The following MEI4 variants were observed in gnomAD, a reference collection of about 807,000 sequenced individuals.
The protein encoded by MEI4 is meiotic double-stranded break formation protein 4.
In MEI4, 27 loss-of-function variants were observed where a neutral mutation model predicts 31.4. The observed-to-expected ratio is 0.86, with a 90% CI of 0.63 to 1.19. MEI4 has a LOEUF of 1.19. Among genes scored for constraint, MEI4 ranks in the 50% most tolerant of loss-of-function variants. The pLI is 0.00. For synonymous variants in MEI4, 122 were observed against 145.4 expected, an observed-to-expected ratio of 0.84 and a Z score of 1.16; for missense variants, 329 against 398.9, an observed-to-expected ratio of 0.82 and a Z score of 1.49.
At chr6:77,795,028 A>G (rs1371183844) in intron 3 of MEI4, among the ~76,000 whole-genome samples, 1 of 152,182 alleles carries the variant, frequency 6.6e-6, no homozygotes, top group Admixed American at 6.5e-5. Context: ...TAAGATGAAG[A>G]AAAATAGAAA....
intron 4 of MEI4, among the ~76,000 whole-genome samples, chr6:77,866,746 A>C (rs1301619183): frequency 6.6e-6 from 1 of 152,206 alleles, no homozygotes; most frequent in African/African-American, 2.4e-5. Context: ...GGAACCAAAA[A>C]AGAGCCCACA....
chr6:77,783,102 T>C (rs1008809427), intron 3 of MEI4, among the ~76,000 whole-genome samples: 1 of 152,166 alleles, frequency 6.6e-6, no homozygotes, highest in Admixed American at 6.6e-5. Context: ...AACAGAAGAA[T>C]TGAGTTTTTC....
intron 4 of MEI4, among the ~76,000 whole-genome samples, chr6:77,867,772 G>T (rs1771083300): frequency 6.6e-6 from 1 of 152,168 alleles, no homozygotes; most frequent in Admixed American, 6.5e-5. Context: ...GCACACGTGT[G>T]TTTATTGTGG....
chr6:77,833,803 A>G (rs996611122), intron 4 of MEI4, among the ~76,000 whole-genome samples: 14 of 152,054 alleles, frequency 9.2e-5, no homozygotes, highest in African/African-American at 3.4e-4. Context: ...ACCCGCCAAC[A>G]GGCCCAGGTG....
intron 4 of MEI4, among the ~76,000 whole-genome samples, chr6:77,904,243 G>A (rs151131151): frequency 0.01 from 1,564 of 152,038 alleles, 48 homozygotes; most frequent in Admixed American, 0.038. Flanking sequence ...TAAGACTCAC[G>A]TAAAGCATCT....
At chr6:77,674,582 G>A (rs890644447) in intron 1 of MEI4, among the ~76,000 whole-genome samples, 1 of 151,738 alleles carries the variant, frequency 6.6e-6, no homozygotes, top group Non-Finnish European at 1.5e-5. Flanking sequence ...TAGGGCCTAT[G>A]TTTGTAGTAG....
intron 2 of MEI4, among the ~76,000 whole-genome samples, chr6:77,715,997 C>T (rs1766574090): frequency 6.6e-6 from 1 of 152,020 alleles, no homozygotes; most frequent in African/African-American, 2.4e-5. Flanking sequence ...ATAATCTTTT[C>T]ACCTCTGAAC....
intron 4 of MEI4, among the ~76,000 whole-genome samples, chr6:77,884,712 T>C (rs988455464): frequency 2.0e-5 from 3 of 152,194 alleles, no homozygotes; most frequent in African/African-American, 7.2e-5. Context: ...CTTTGGTGGA[T>C]GGGCCCGTTT....
intron 3 of MEI4, among the ~76,000 whole-genome samples, chr6:77,778,724 A>AATAAATAC (rs1768522163): frequency 6.6e-6 from 1 of 151,474 alleles, no homozygotes; most frequent in Non-Finnish European, 1.5e-5. Context: ...TAAATAAATA[A>AATAAATAC]ATAAATAAAT....
intron 3 of MEI4, 70 bp downstream of exon 3, chr6:77,761,735 C>A: frequency 9.4e-7 from 1 of 1,064,836 alleles, no homozygotes; most frequent in Non-Finnish European, 1.2e-6. Flanking sequence ...TGGGTAATGT[C>A]TGTTGTTGTC....
intron 1 of MEI4, among the ~76,000 whole-genome samples, chr6:77,676,064 C>A (rs1258773324): frequency 2.6e-5 from 4 of 152,214 alleles, no homozygotes; most frequent in South Asian, 4.2e-4. Context: ...AGTTGAACTG[C>A]CTTGGGTTTG....
In MEI4 at chr6:77,702,308, C is replaced by G. The variant is rs553294757; in HGVS notation, c.232+11405C>G. ...CAGCATTTATAAGTTGGGGCATTCA[C>G]TGTTTTACAGATGCTGAAAGAGTGT... On this transcript the variant is annotated intron_variant, in intron 2 of 4. Transcript: ENST00000684080. Among the ~76,000 whole-genome samples the G allele has an allele frequency of 2.0e-5, 3 of 152,318 alleles. No homozygotes were observed. The East Asian group carries it at 5.8e-4, about 29-fold the overall frequency.
intron 4 of MEI4, 143 bp from the exon 5 acceptor site, chr6:77,922,946 C>A (rs1043089376): frequency 7.0e-6 from 3 of 430,082 alleles, no homozygotes; most frequent in Non-Finnish European, 1.2e-5. Flanking sequence ...TTATTTCCCC[C>A]TTGTTCACCA....
chr6:77,776,646 C>T (rs947356369), intron 3 of MEI4, among the ~76,000 whole-genome samples: 8 of 152,082 alleles, frequency 5.3e-5, no homozygotes, highest in Admixed American at 3.9e-4. Context: ...AGGATAAAAC[C>T]TAGAGAATCA....
At chr6:77,911,169 C>T (rs1429004405) in intron 4 of MEI4, among the ~76,000 whole-genome samples, 1 of 151,768 alleles carries the variant, frequency 6.6e-6, no homozygotes, top group African/African-American at 2.4e-5. Flanking sequence ...GATATTAGTC[C>T]ATTTATTTAG....
At chr6:77,848,487 A>G (rs1203181387) in intron 4 of MEI4, among the ~76,000 whole-genome samples, 2 of 152,182 alleles carry the variant, frequency 1.3e-5, no homozygotes, top group Non-Finnish European at 2.9e-5. Context: ...TTAATAAGTA[A>G]ATAAAAACTA....
intron 4 of MEI4, among the ~76,000 whole-genome samples, chr6:77,898,265 C>A (rs567507157): frequency 6.6e-6 from 1 of 152,076 alleles, no homozygotes; most frequent in Admixed American, 6.6e-5. Flanking sequence ...TGACTGCCTT[C>A]TTTACTTTCT....
At chr6:77,735,596 G>C (rs141664150) in intron 2 of MEI4, among the ~76,000 whole-genome samples, 1 of 151,850 alleles carries the variant, frequency 6.6e-6, no homozygotes, top group African/African-American at 2.4e-5. Flanking sequence ...CCCGTAGCTC[G>C]GAGTAATTTG....
intron 2 of MEI4, among the ~76,000 whole-genome samples, chr6:77,719,675 G>A (rs1342636868): frequency 5.9e-5 from 7 of 118,652 alleles, no homozygotes; most frequent in African/African-American, 2.3e-4. Context: ...AGCTGCTCCT[G>A]CAGGCATAGG....
Sources: gnomAD v4.1 joint callset for allele counts (sites outside exome capture counted in the v4.1 genomes callset) on GRCh38, gnomAD v4.1.1 for gene constraint, MANE v1.5 for transcripts, NCBI Gene and HGNC (gene_info 2026-07-23, HGNC 2026-07-21) for gene names.